Variants in GRK3 observed in about 807,000 individuals in gnomAD.
GRK3 encodes the protein G protein-coupled receptor kinase 3.
In GRK3, 54 loss-of-function variants were observed where a neutral mutation model predicts 95.7. That is an observed-to-expected ratio of 0.56 (90% CI 0.45 to 0.71). GRK3 has a LOEUF of 0.71. Among genes scored for constraint, GRK3 ranks in the 30% least tolerant of loss-of-function variants. GRK3 has a pLI of 0.00. For missense variants in GRK3, 649 were observed against 851.2 expected, an observed-to-expected ratio of 0.76 and a Z score of 2.96; for synonymous variants, 281 against 290.8, an observed-to-expected ratio of 0.97 and a Z score of 0.34.
At chr22:25,565,237 C>T in intron 1 of GRK3, 84 bp downstream of exon 1, 1 of 606,838 alleles carries the variant, frequency 1.6e-6, no homozygotes, top group South Asian at 2.5e-5. Flanking sequence ...GAGGGTCGGG[C>T]GCTGAGCCTC....
chr22:25,614,844 C>G (rs1028909973), intron 2 of GRK3, among the ~76,000 whole-genome samples: 11 of 152,152 alleles, frequency 7.2e-5, no homozygotes, highest in Non-Finnish European at 1.5e-4. Flanking sequence ...GACATTCAAT[C>G]AAATATATTT....
At chr22:25,664,923 G>T (rs1375600320) in intron 5 of GRK3, among the ~76,000 whole-genome samples, 8 of 152,142 alleles carry the variant, frequency 5.3e-5, no homozygotes, top group Non-Finnish European at 1.2e-4. Context: ...AACAAATTGG[G>T]TGTTACCTTT....
At chr22:25,707,389 G>C (rs1156983671) in intron 15 of GRK3, among the ~76,000 whole-genome samples, 1 of 152,158 alleles carries the variant, frequency 6.6e-6, no homozygotes, top group African/African-American at 2.4e-5. Context: ...CTCTGACTTG[G>C]ATCCCATTCT....
chr22:25,686,467 G>T (rs1024992657), intron 10 of GRK3, among the ~76,000 whole-genome samples: 1 of 152,146 alleles, frequency 6.6e-6, no homozygotes, highest in Non-Finnish European at 1.5e-5. Context: ...CTTTTGGGAT[G>T]CTGGGCATCT....
chr22:25,566,052 A>T (rs1363803190), intron 1 of GRK3, among the ~76,000 whole-genome samples: 1 of 152,202 alleles, frequency 6.6e-6, no homozygotes, highest in Non-Finnish European at 1.5e-5. Flanking sequence ...TCATATCATT[A>T]GCACTTCCCC....
chr22:25,565,803 A>G (rs1931457438), intron 1 of GRK3, among the ~76,000 whole-genome samples: 1 of 152,108 alleles, frequency 6.6e-6, no homozygotes, highest in African/African-American at 2.4e-5. Context: ...TTTGGTGCCA[A>G]GTGTGTCACC....
At chr22:25,678,120 C>T (rs962113678) in intron 8 of GRK3, among the ~76,000 whole-genome samples, 2 of 152,100 alleles carry the variant, frequency 1.3e-5, no homozygotes, top group African/African-American at 2.4e-5. Flanking sequence ...TGTTGATCAT[C>T]ACTGTTTTAG....
intron 1 of GRK3, among the ~76,000 whole-genome samples, chr22:25,569,984 C>T (rs372338132): frequency 1.5e-4 from 23 of 152,342 alleles, no homozygotes; most frequent in African/African-American, 5.3e-4. Context: ...GGGGTCTTTC[C>T]CCGCCCAGGC....
At chr22:25,608,540 C>T (rs2084469984) in intron 2 of GRK3, among the ~76,000 whole-genome samples, 1 of 152,198 alleles carries the variant, frequency 6.6e-6, no homozygotes, top group Non-Finnish European at 1.5e-5. Flanking sequence ...AGGAGGAAGT[C>T]AGAAAGATAT....
chr22:25,713,233 G>T (rs116274389), intron 17 of GRK3, among the ~76,000 whole-genome samples: 2,694 of 152,004 alleles, frequency 0.018, 78 homozygotes, highest in African/African-American at 0.062. Flanking sequence ...ATCGGACCTT[G>T]AGGTTTTCAA....
intron 13 of GRK3, among the ~76,000 whole-genome samples, chr22:25,698,123 AAGG>A (rs973460729): frequency 2.3e-4 from 34 of 145,754 alleles, no homozygotes; most frequent in African/African-American, 6.8e-4. Flanking sequence ...GGAAGGAAGA[AAGG>A]AGGAAGGAGA....
intron 1 of GRK3, among the ~76,000 whole-genome samples, chr22:25,587,299 C>G (rs1472835164): frequency 6.6e-6 from 1 of 152,210 alleles, no homozygotes; most frequent in African/African-American, 2.4e-5. Flanking sequence ...GGCTTCCTGA[C>G]CCTAGTCTCT....
At chr22:25,635,263 C>G (rs932085912) in intron 2 of GRK3, among the ~76,000 whole-genome samples, 1 of 152,100 alleles carries the variant, frequency 6.6e-6, no homozygotes, top group Non-Finnish European at 1.5e-5. Context: ...ATTATTCATT[C>G]TTTTTATGAT....
chr22:25,660,869 T>G (rs754613457), intron 3 of GRK3, among the ~76,000 whole-genome samples: 1 of 152,224 alleles, frequency 6.6e-6, no homozygotes, highest in South Asian at 2.1e-4. Context: ...GGTTAGAGCA[T>G]TGGGAGCCAT....
intron 2 of GRK3, among the ~76,000 whole-genome samples, chr22:25,626,335 G>A (rs2084628284): frequency 6.6e-6 from 1 of 152,224 alleles, no homozygotes; most frequent in Non-Finnish European, 1.5e-5. Flanking sequence ...GTGATAGGAT[G>A]AATATCTGTG....
chr22:25,681,365 C>T (rs963316195), intron 9 of GRK3, among the ~76,000 whole-genome samples: 7 of 152,188 alleles, frequency 4.6e-5, no homozygotes, highest in East Asian at 3.9e-4. Context: ...GAAGGCCTTT[C>T]GCAGGGTGGA....
Position 25,681,071 on chromosome 22 carries a change from T to A in GRK3, c.747+2156T>A, listed in dbSNP as rs190807183. The stretch of plus-strand genomic sequence containing the variant: ...ATGGCAAAAAAGGAAATATGCATGT[T>A]GGAGAACCAGCATAAGCGTGTCCAC... On this transcript the variant is annotated intron_variant, in intron 9 of 20. Transcript: ENST00000324198. Among the ~76,000 whole-genome samples, 92 of 152,252 alleles carry A rather than the reference T, an allele frequency of 6.0e-4. 1 individual carries two copies. The highest frequency in any genetic ancestry group is 5.9e-3 in the Admixed American group (90 of 15,288).
At chr22:25,583,299 A>G (rs928807426) in intron 1 of GRK3, among the ~76,000 whole-genome samples, 1 of 152,122 alleles carries the variant, frequency 6.6e-6, no homozygotes, top group African/African-American at 2.4e-5. Context: ...TCACATGGCT[A>G]CAAAAATAAG....
intron 1 of GRK3, among the ~76,000 whole-genome samples, chr22:25,597,024 C>T (rs2084377157): frequency 6.6e-6 from 1 of 152,194 alleles, no homozygotes; most frequent in Non-Finnish European, 1.5e-5. Context: ...TAGGCAGCCA[C>T]TCATTATGAA....
Sources: allele counts gnomAD v4.1 joint callset (sites outside exome capture counted in the v4.1 genomes callset), GRCh38; gene constraint gnomAD v4.1.1; transcripts MANE v1.5; gene names NCBI Gene and HGNC (gene_info 2026-07-23, HGNC 2026-07-21).